Variants in PREX2 observed in about 807,000 individuals in gnomAD.
The protein encoded by PREX2 is phosphatidylinositol 3,4,5-trisphosphate-dependent Rac exchanger 2 protein.
A neutral mutation model predicts 203.2 loss-of-function variants in PREX2; 107 were observed. The observed-to-expected ratio is 0.53, with a 90% CI of 0.45 to 0.62. PREX2 has a LOEUF of 0.62. Ranked by LOEUF, PREX2 falls within the 20% of genes least tolerant of loss-of-function variation. The probability of loss-of-function intolerance (pLI) is 0.00; values close to 1 mark genes in which losing one functional copy is unlikely to be tolerated. For missense variants in PREX2, 1,777 were observed against 1,955.9 expected (o/e 0.91, Z 1.72); for synonymous variants, 672 against 663.6 (o/e 1.01, Z -0.19).
At chr8:67,976,862 G>A (rs1806127612) in intron 1 of PREX2, among the ~76,000 whole-genome samples, 2 of 152,210 alleles carry the variant, frequency 1.3e-5, no homozygotes, top group African/African-American at 4.8e-5. Flanking sequence ...CTAGACATGT[G>A]AGGGATGAAG....
chr8:68,080,002 T>A (rs1256227441), intron 15 of PREX2, among the ~76,000 whole-genome samples: 1 of 151,970 alleles, frequency 6.6e-6, no homozygotes, highest in African/African-American at 2.4e-5. Flanking sequence ...AGGCAACACT[T>A]AACCCATTTG....
chr8:68,094,550 C>T (rs1012880611), intron 21 of PREX2, among the ~76,000 whole-genome samples: 2 of 152,134 alleles, frequency 1.3e-5, no homozygotes, highest in Non-Finnish European at 2.9e-5. Flanking sequence ...TCACAGAAGC[C>T]CATGAATCAC....
chr8:68,026,645 C>G (rs892822433), intron 4 of PREX2, among the ~76,000 whole-genome samples: 1 of 150,194 alleles, frequency 6.7e-6, no homozygotes. Flanking sequence ...GAAATCCTAT[C>G]TGACCTCCTT....
intron 23 of PREX2, among the ~76,000 whole-genome samples, chr8:68,101,037 T>A (rs978080832): frequency 1.3e-5 from 2 of 152,240 alleles, no homozygotes; most frequent in Non-Finnish European, 2.9e-5. Context: ...TTAAAAATTG[T>A]TTCTATTTAT....
chr8:68,103,627 G>A (rs1810327949), intron 23 of PREX2: 1 of 518,944 alleles, frequency 1.9e-6, no homozygotes, highest in Admixed American at 1.9e-5. Context: ...ACTCCAGTGG[G>A]CCTCTTCTTC....
intron 1 of PREX2, among the ~76,000 whole-genome samples, chr8:67,999,339 G>A (rs1000724795): frequency 6.6e-6 from 1 of 151,888 alleles, no homozygotes; most frequent in African/African-American, 2.4e-5. Flanking sequence ...TACTGTGAAT[G>A]TGAACTAGAA....
At chr8:68,222,446 A>T (rs1170351153) in intron 38 of PREX2, among the ~76,000 whole-genome samples, 2 of 152,052 alleles carry the variant, frequency 1.3e-5, no homozygotes, top group Non-Finnish European at 2.9e-5. Flanking sequence ...AAAAAAAAAA[A>T]AAAATGTATA....
chr8:68,185,631 T>C (rs527692572), intron 35 of PREX2, among the ~76,000 whole-genome samples: 81 of 152,342 alleles, frequency 5.3e-4, no homozygotes, highest in Non-Finnish European at 9.8e-4. Context: ...ATTTCTTTCA[T>C]TGTAGTTTTT....
At chr8:68,080,661 C>T (rs772119190) in intron 16 of PREX2, 76 bp downstream of exon 16, 59 of 1,433,448 alleles carry the variant, frequency 4.1e-5, no homozygotes, top group Admixed American at 1.4e-4. Context: ...ACATGTTTGA[C>T]GGTGATGCAC....
At chr8:68,173,490 C>T (rs910916612) in intron 35 of PREX2, among the ~76,000 whole-genome samples, 1 of 152,136 alleles carries the variant, frequency 6.6e-6, no homozygotes, top group South Asian at 2.1e-4. Context: ...ACTGCACGTA[C>T]ATTTATGCAT....
chr8:68,159,932 A>G (rs1459878931), intron 35 of PREX2, among the ~76,000 whole-genome samples: 2 of 152,166 alleles, frequency 1.3e-5, no homozygotes, highest in East Asian at 3.9e-4. Context: ...ACTTCACCCA[A>G]TTGCTATAAG....
chr8:68,164,362 A>G (rs1452047745), intron 35 of PREX2, among the ~76,000 whole-genome samples: 1 of 151,558 alleles, frequency 6.6e-6, no homozygotes, highest in Non-Finnish European at 1.5e-5. Flanking sequence ...ATATATATAT[A>G]TATACACACA....
chr8:67,952,276 C>T lies in PREX2; in HGVS notation c.-119C>T. 1 of 814,980 alleles carries T rather than the reference C, an allele frequency of 1.2e-6. No individual in the cohort carries two copies. The highest frequency in any genetic ancestry group is 1.7e-6 in the Non-Finnish European group (1 of 596,294). 50.5% of individuals were successfully genotyped at this position (814,980 alleles called of 1,614,324 possible). On this transcript the variant is annotated 5_prime_UTR_variant, in exon 1 of 40. Coordinates refer to ENST00000288368, the MANE Select transcript of PREX2 (RefSeq NM_024870.4). ...CCAGCATGTAAAGTCTTCTGTCTCT[C>T]CTCGGAGTTGGCGGAGGCGGCAACT...
intron 19 of PREX2, among the ~76,000 whole-genome samples, chr8:68,089,950 C>A (rs1809818223): frequency 6.6e-6 from 1 of 152,126 alleles, no homozygotes; most frequent in Non-Finnish European, 1.5e-5. Flanking sequence ...ATGTTACTTT[C>A]ATATTTAAAT....
At chr8:68,131,357 C>T (rs542460185) in intron 31 of PREX2, among the ~76,000 whole-genome samples, 67 of 152,196 alleles carry the variant, frequency 4.4e-4, no homozygotes, top group Non-Finnish European at 9.3e-4. Context: ...GCGAACAATT[C>T]ATCTACTCTC....
chr8:68,224,593 G>A lies in PREX2; in HGVS notation c.4742G>A (p.Gly1581Glu). 6.2e-7 allele frequency: 1 copy of A among 1,613,832 alleles called. No homozygotes were observed. The highest frequency in any genetic ancestry group is 8.5e-7 in the Non-Finnish European group (1 of 1,179,902). The change falls in exon 39 of 40, where the codon GGA (glycine) becomes GAA (glutamate). Residue 1581 changes from glycine (G) to glutamate (E), a missense_variant. Transcript: ENST00000288368. ...ARVQNTAKNL[G>E]VRDRTPQSAP... The stretch of plus-strand genomic sequence containing the variant: ...GTTCAGAACACAGCGAAGAATTTGG[G>A]AGTCAGAGACCGGACTCCACAGTCT...
intron 10 of PREX2, among the ~76,000 whole-genome samples, chr8:68,060,041 T>A (rs1045531111): frequency 6.6e-6 from 1 of 152,220 alleles, no homozygotes; most frequent in Non-Finnish European, 1.5e-5. Flanking sequence ...GTCTACTGAC[T>A]TGGAGTTTTA....
At position 68,127,446 on chromosome 8, in the gene PREX2, T is replaced by C. The variant is rs1229427620; in HGVS notation, c.3766+27T>C. Reference sequence around the variant, plus strand: ...TAACATTTTGCATTTTATTTTTTTTTACTATTTAAGTGATTGTGGCCCAGG... The same window carrying C: ...TAACATTTTGCATTTTATTTTTTTTCACTATTTAAGTGATTGTGGCCCAGG... On this transcript the variant is annotated intron_variant, in intron 31 of 39. Coordinates refer to ENST00000288368, the MANE Select transcript of PREX2 (RefSeq NM_024870.4). 7 of 1,554,874 alleles carry C rather than the reference T, an allele frequency of 4.5e-6. No homozygotes were observed. The Admixed American group carries it at 1.0e-4, about 22-fold the overall frequency.
chr8:68,029,777 C>T (rs1431340867), intron 5 of PREX2, among the ~76,000 whole-genome samples: 1 of 151,970 alleles, frequency 6.6e-6, no homozygotes, highest in Non-Finnish European at 1.5e-5. Context: ...CAAGGGCTTT[C>T]AATATGTTTA....
Sources: gnomAD v4.1 joint callset for allele counts (sites outside exome capture counted in the v4.1 genomes callset) on GRCh38, gnomAD v4.1.1 for gene constraint, MANE v1.5 for transcripts, NCBI Gene and HGNC (gene_info 2026-07-23, HGNC 2026-07-21) for gene names.